VEPH1: variants seen among roughly 807,000 people sequenced by gnomAD.
VEPH1 encodes the protein ventricular zone expressed PH domain containing 1, also known as ventricular zone-expressed PH domain-containing protein homolog 1.
Under a neutral mutation model 85.2 loss-of-function variants are expected in VEPH1, and 80 were observed. The observed-to-expected ratio is 0.94, with a 90% CI of 0.78 to 1.13. The LOEUF (loss-of-function observed/expected upper bound fraction) is 1.13. Among genes scored for constraint, VEPH1 ranks in the 50% most tolerant of loss-of-function variants. The pLI is 0.00. For missense variants in VEPH1, 955 were observed against 980.5 expected (o/e 0.97, Z 0.35); for synonymous variants, 297 against 348.0 (o/e 0.85, Z 1.63).
At chr3:157,368,178 C>T (rs1057371681) in intron 7 of VEPH1, among the ~76,000 whole-genome samples, 2 of 152,158 alleles carry the variant, frequency 1.3e-5, no homozygotes, top group African/African-American at 2.4e-5. Flanking sequence ...GCAGTCATCA[C>T]ATGTTAGATT....
Position 157,460,367 on chromosome 3 carries a change from TAAGA to T in VEPH1, c.355-16_355-13del. ...GGTCGGTTGTAATTCTGAGGAAATA[TAAGA>T]AAGCCACAAATAATAAGTGACTCAT... On this transcript the variant is annotated splice_polypyrimidine_tract_variant and intron_variant, in intron 3 of 13. Transcript: ENST00000362010. The T allele has an allele frequency of 6.3e-7, 1 of 1,598,690 alleles. No individual in the cohort carries two copies. The highest frequency in any genetic ancestry group is 8.5e-7 in the Non-Finnish European group (1 of 1,172,394).
intron 4 of VEPH1, chr3:157,459,601 TAAAAG>T (rs1735650620): frequency 4.2e-6 from 5 of 1,200,028 alleles, no homozygotes; most frequent in Non-Finnish European, 5.2e-6. Context: ...CCAAAGAAAA[TAAAAG>T]AAGACAAGGA....
intron 2 of VEPH1, among the ~76,000 whole-genome samples, chr3:157,481,468 A>C (rs868780312): frequency 0.065 from 7,278 of 112,632 alleles, 404 homozygotes; most frequent in African/African-American, 0.14. Flanking sequence ...ACACACACAA[A>C]AAAAAAAAAA....
At chr3:157,458,235 A>T (rs959130565) in intron 4 of VEPH1, among the ~76,000 whole-genome samples, 2 of 151,870 alleles carry the variant, frequency 1.3e-5, no homozygotes, top group Non-Finnish European at 2.9e-5. Flanking sequence ...GGTTGTGTTT[A>T]TTTGGAGCTT....
Position 157,470,347 on chromosome 3 carries a change from T to C in VEPH1, c.321A>G (p.Lys107=). 1 of 1,614,092 alleles carries C rather than the reference T, an allele frequency of 6.2e-7. No homozygotes were observed. Among genetic ancestry groups the C allele is most frequent in the South Asian group, 1.1e-5 (1 of 91,086 alleles). The change falls in exon 3 of 14, where the codon AAA becomes AAG. Residue 107 remains lysine, a synonymous_variant. Transcript: ENST00000362010. ...TGCAACTCATGATATCAGATGCGATTTTTGCATGAGGAGTGTCTTCGTCTT... is the reference window on the plus strand; with the variant it reads ...TGCAACTCATGATATCAGATGCGATCTTTGCATGAGGAGTGTCTTCGTCTT... ...FGKDEDTPHA[K]IASDIMSCIL... is the part of the protein sequence containing the mutation.
chr3:157,425,394 G>A (rs1040946978), intron 5 of VEPH1, among the ~76,000 whole-genome samples: 2 of 152,202 alleles, frequency 1.3e-5, no homozygotes, highest in African/African-American at 4.8e-5. Context: ...GCACCAGCCT[G>A]TGAAAGCAGC....
intron 3 of VEPH1, among the ~76,000 whole-genome samples, chr3:157,460,826 G>A (rs1182966665): frequency 6.6e-6 from 1 of 152,106 alleles, no homozygotes; most frequent in Non-Finnish European, 1.5e-5. Context: ...GATGGCTGAA[G>A]TGTGGTATGT....
chr3:157,442,975 C>T (rs1734259326), intron 4 of VEPH1: 3 of 1,589,970 alleles, frequency 1.9e-6, no homozygotes, highest in Non-Finnish European at 2.6e-6. Flanking sequence ...CAGTATGTTT[C>T]ATAAATGTTG....
At chr3:157,301,154 G>A (rs1718749914) in intron 11 of VEPH1, among the ~76,000 whole-genome samples, 2 of 152,172 alleles carry the variant, frequency 1.3e-5, no homozygotes, top group South Asian at 2.1e-4. Flanking sequence ...CACGGAGCAT[G>A]CTGTAAACAT....
At chr3:157,489,189 A>T in intron 2 of VEPH1, 1 of 456,538 alleles carries the variant, frequency 2.2e-6, no homozygotes, top group South Asian at 1.5e-5. Flanking sequence ...TAGAAAAATT[A>T]GACCATGTTA....
At chr3:157,498,507 GA>G (rs1251035422) in intron 1 of VEPH1, among the ~76,000 whole-genome samples, 10 of 152,276 alleles carry the variant, frequency 6.6e-5, no homozygotes, top group Non-Finnish European at 1.3e-4. Context: ...GTTTAGAGAG[GA>G]AAGTAACCAC....
chr3:157,470,573 G>A, intron 2 of VEPH1, 44 bp from the exon 3 acceptor site: 1 of 1,589,060 alleles, frequency 6.3e-7, no homozygotes, highest in Non-Finnish European at 8.6e-7. Flanking sequence ...ACTCTAGAAA[G>A]TTATCCTTCA....
At chr3:157,431,668 A>T (rs886943056) in intron 4 of VEPH1, among the ~76,000 whole-genome samples, 6 of 152,100 alleles carry the variant, frequency 3.9e-5, no homozygotes, top group African/African-American at 1.4e-4. Flanking sequence ...CACCAAGATT[A>T]TGACAATCTA....
At chr3:157,386,250 C>CAAAAAAAAAAA (rs71302265) in intron 6 of VEPH1, among the ~76,000 whole-genome samples, 8 of 38,488 alleles carry the variant, frequency 2.1e-4, no homozygotes, top group African/African-American at 7.6e-4. Flanking sequence ...AATGGTTCCA[C>CAAAAAAAAAAA]AAAAAAAAAA....
intron 9 of VEPH1, among the ~76,000 whole-genome samples, chr3:157,349,709 T>C (rs1189207594): frequency 6.6e-6 from 1 of 152,012 alleles, no homozygotes; most frequent in Non-Finnish European, 1.5e-5. Flanking sequence ...AAATCATTAG[T>C]GTTTCTATAC....
At chr3:157,501,079 C>G (rs879007113) in intron 1 of VEPH1, among the ~76,000 whole-genome samples, 2 of 152,182 alleles carry the variant, frequency 1.3e-5, no homozygotes, top group Admixed American at 1.3e-4. Context: ...CATCCCCATG[C>G]CATACCTTTT....
In VEPH1 at chr3:157,265,646, G is replaced by A. The variant is rs766189351; in HGVS notation, c.2145C>T (p.Gly715=). The part of the protein sequence containing the change: ...PEKATVVNQD[G]QPLIEGKLKE... ...TAAGTTTTCCTTCTATGAGAGGCTG[G>A]CCATCTTGATTTACAACTGTTGAAG... is the stretch of plus-strand genomic sequence containing the variant. The change falls in exon 13 of 14, where the codon GGC becomes GGT. Residue 715 remains glycine (G), a synonymous_variant. Transcript: ENST00000362010. The A allele has an allele frequency of 2.5e-6, 4 of 1,612,894 alleles. No individual in the cohort carries two copies. The African/African-American group carries it at 5.3e-5, about 22-fold the overall frequency.
chr3:157,481,212 A>C (rs4258914), intron 2 of VEPH1, among the ~76,000 whole-genome samples: 48,390 of 151,656 alleles, frequency 0.32, 7,866 homozygotes, highest in East Asian at 0.4. Context: ...TGTCAGATGC[A>C]TAGTTCACGA....
At chr3:157,463,973 T>A (rs375490432) in intron 3 of VEPH1, among the ~76,000 whole-genome samples, 3 of 152,198 alleles carry the variant, frequency 2.0e-5, no homozygotes, top group East Asian at 3.9e-4. Flanking sequence ...TTTCCATTCA[T>A]CAGATCCAGT....
Sources: allele counts gnomAD v4.1 joint callset (sites outside exome capture counted in the v4.1 genomes callset), GRCh38; gene constraint gnomAD v4.1.1; transcripts MANE v1.5; gene names NCBI Gene and HGNC (gene_info 2026-07-23, HGNC 2026-07-21).